Variants in MBTD1 observed in about 807,000 individuals in gnomAD.
MBTD1 encodes the protein MBT domain-containing protein 1.
A neutral mutation model predicts 87.8 loss-of-function variants in MBTD1; 24 were observed. The observed-to-expected ratio is 0.27, with a 90% confidence interval of 0.20 to 0.38. The LOEUF (loss-of-function observed/expected upper bound fraction) is 0.38. Among genes scored for constraint, MBTD1 ranks in the 10% least tolerant of loss-of-function variants. MBTD1 has a pLI of 1.00. For missense variants in MBTD1, 436 were observed against 760.2 expected, an observed-to-expected ratio of 0.57 and a Z score of 5.02; for synonymous variants, 237 against 248.6, an observed-to-expected ratio of 0.95 and a Z score of 0.44.
intron 3 of MBTD1, among the ~76,000 whole-genome samples, chr17:51,223,689 C>A (rs1360024126): frequency 1.3e-5 from 2 of 151,776 alleles, no homozygotes; most frequent in African/African-American, 4.8e-5. Context: ...TATGAAAATA[C>A]GCCAGGCATG....
At chr17:51,239,496 G>A (rs1176839818) in intron 2 of MBTD1, among the ~76,000 whole-genome samples, 3 of 152,156 alleles carry the variant, frequency 2.0e-5, no homozygotes, top group Middle Eastern at 3.4e-3. Flanking sequence ...CTCTCTACAC[G>A]TATATTTTTC....
intron 5 of MBTD1, among the ~76,000 whole-genome samples, chr17:51,217,671 T>TG (rs775028251): frequency 1.3e-5 from 2 of 152,196 alleles, no homozygotes; most frequent in Non-Finnish European, 2.9e-5. Flanking sequence ...TGCAGTGGCA[T>TG]GATCTTGGCT....
intron 16 of MBTD1, among the ~76,000 whole-genome samples, chr17:51,181,604 C>T (rs1598268338): frequency 6.6e-6 from 1 of 152,036 alleles, no homozygotes; most frequent in South Asian, 2.1e-4. Flanking sequence ...TTACAGTGAC[C>T]TATGATTGTG....
intron 2 of MBTD1, among the ~76,000 whole-genome samples, chr17:51,226,629 CTTTT>C (rs2053234737): frequency 6.6e-6 from 1 of 151,560 alleles, no homozygotes; most frequent in Admixed American, 6.6e-5. Flanking sequence ...AATATGGATG[CTTTT>C]TTTCTTTCTT....
At position 51,194,566 on chromosome 17, in the gene MBTD1, C is replaced by CAAAAAAA. The variant is rs71355733; in HGVS notation, c.1372+641_1372+647dup. Among the ~76,000 whole-genome samples the CAAAAAAA allele has an allele frequency of 1.5e-4, 3 of 19,734 alleles. 1 individual carries two copies. Among genetic ancestry groups the CAAAAAAA allele is most frequent in the African/African-American group, 2.6e-4 (1 of 3,804 alleles). The allele number at this position is 19,734 out of a possible 152,430, so 12.9% of individuals were successfully genotyped here. ...CCTGGGTGACAGAGCGAGACTGTCTCAAAAAAAAAAAAAAAAAAAAAAAAA... is the reference window on the plus strand; with the variant it reads ...CCTGGGTGACAGAGCGAGACTGTCTCAAAAAAAAAAAAAAAAAAAAAAAAAAAAAAAA... On this transcript the variant is annotated intron_variant, in intron 13 of 16. Transcript: ENST00000586178.
intron 16 of MBTD1, among the ~76,000 whole-genome samples, chr17:51,182,087 C>G (rs189925075): frequency 6.6e-6 from 1 of 151,306 alleles, no homozygotes; most frequent in Non-Finnish European, 1.5e-5. Flanking sequence ...AATCAGAAGT[C>G]AGAAACTGCT....
chr17:51,234,037 C>T (rs1213527321), intron 2 of MBTD1, among the ~76,000 whole-genome samples: 2 of 151,810 alleles, frequency 1.3e-5, no homozygotes, highest in Non-Finnish European at 2.9e-5. Context: ...TGATAAACCT[C>T]AAATCAGAGA....
chr17:51,246,880 TC>T, intron 2 of MBTD1, among the ~76,000 whole-genome samples: 1 of 152,204 alleles, frequency 6.6e-6, no homozygotes, highest in Middle Eastern at 3.4e-3. Flanking sequence ...CCTCAGGTGA[TC>T]CGCCCGCCTC....
chr17:51,218,801 T>C, intron 5 of MBTD1, 129 bp downstream of exon 5: 1 of 609,450 alleles, frequency 1.6e-6, no homozygotes, highest in Non-Finnish European at 2.9e-6. Context: ...TTAGGAAGCT[T>C]AGAGCTGTAA....
chr17:51,188,541 C>T (rs1055389460), intron 16 of MBTD1, among the ~76,000 whole-genome samples: 1 of 152,064 alleles, frequency 6.6e-6, no homozygotes, highest in Admixed American at 6.6e-5. Flanking sequence ...GTTTTATAGC[C>T]CATCTGGTAT....
At chr17:51,228,306 A>C (rs563887374) in intron 2 of MBTD1, among the ~76,000 whole-genome samples, 18 of 152,252 alleles carry the variant, frequency 1.2e-4, no homozygotes, top group African/African-American at 4.3e-4. Context: ...GTGATGAAAT[A>C]ATCTGTTCGA....
chr17:51,220,087 G>T (rs2052799800), intron 4 of MBTD1, among the ~76,000 whole-genome samples: 1 of 152,136 alleles, frequency 6.6e-6, no homozygotes, highest in Non-Finnish European at 1.5e-5. Flanking sequence ...TTTGGAAAAA[G>T]GATATTTTAA....
chr17:51,244,124 T>C (rs527358281), intron 2 of MBTD1, among the ~76,000 whole-genome samples: 7 of 152,316 alleles, frequency 4.6e-5, no homozygotes, highest in Admixed American at 4.6e-4. Flanking sequence ...GACCACATTG[T>C]TTCTCACTGA....
Position 51,179,515 on chromosome 17 carries a change from T to TATATATATATATATATATATATTC in MBTD1, c.*1060_*1061insGAATATATATATATATATATATAT, listed in dbSNP as rs2050224854. On this transcript the variant is annotated 3_prime_UTR_variant, in exon 17 of 17. Transcript: ENST00000586178. ...ATATATATATATATATATATATATA[T>TATATATATATATATATATATATTC]ATATATATATATATATATATATGGA... 1 of 101,510 alleles carries TATATATATATATATATATATATTC rather than the reference T, an allele frequency of 9.9e-6. No homozygotes were observed. Among genetic ancestry groups the TATATATATATATATATATATATTC allele is most frequent in the African/African-American group, 3.7e-5 (1 of 27,222 alleles). The allele number at this position is 101,510 out of a possible 1,614,324, so 6.3% of individuals were successfully genotyped here. A position where few individuals can be genotyped will look rare whatever the true frequency, so the allele number is the denominator to read the frequency against.
chr17:51,234,268 CTGT>C (rs1568217492), intron 2 of MBTD1, among the ~76,000 whole-genome samples: 3 of 151,780 alleles, frequency 2.0e-5, no homozygotes, highest in Non-Finnish European at 4.4e-5. Context: ...TGGCATGCAC[CTGT>C]AATCCCAGCG....
At chr17:51,224,032 T>C (rs1036891285) in intron 3 of MBTD1, among the ~76,000 whole-genome samples, 1 of 152,210 alleles carries the variant, frequency 6.6e-6, no homozygotes, top group African/African-American at 2.4e-5. Flanking sequence ...TAAAGCAATT[T>C]TGGTGGCATG....
chr17:51,230,429 AGACAGAAAAGCAT>A (rs1403522796), intron 2 of MBTD1, among the ~76,000 whole-genome samples: 1 of 149,310 alleles, frequency 6.7e-6, no homozygotes, highest in Non-Finnish European at 1.5e-5. Context: ...CCAAGGCTAA[AGACAGAAAAGCAT>A]GCAAAGCAGA....
intron 2 of MBTD1, among the ~76,000 whole-genome samples, chr17:51,236,241 C>T (rs530363959): frequency 2.6e-5 from 4 of 151,848 alleles, no homozygotes; most frequent in Admixed American, 6.6e-5. Context: ...TGTAATGACA[C>T]TATGTTTTTG....
Position 51,201,703 on chromosome 17 carries a change from A to C in MBTD1, c.1120-7T>G. On this transcript the variant is annotated splice_polypyrimidine_tract_variant and splice_region_variant and intron_variant, in intron 11 of 16. Coordinates refer to ENST00000586178, the MANE Select transcript of MBTD1 (RefSeq NM_017643.3). ...TCTGGTCTACTTCTTTTACCTAAAG[A>C]ATTATATGAAAGCACATCTACTGTT... 6.7e-7 allele frequency: 1 copy of C among 1,495,220 alleles called. No individual in the cohort carries two copies. 92.6% of individuals were successfully genotyped at this position (1,495,220 alleles called of 1,614,324 possible).
Sources: allele counts gnomAD v4.1 joint callset (sites outside exome capture counted in the v4.1 genomes callset), GRCh38; gene constraint gnomAD v4.1.1; transcripts MANE v1.5; gene names NCBI Gene and HGNC (gene_info 2026-07-23, HGNC 2026-07-21).